MTCH2: variants seen among roughly 807,000 people sequenced by gnomAD.
MTCH2 encodes the protein mitochondrial carrier 2.
Under a neutral mutation model 50.6 loss-of-function variants are expected in MTCH2, and 25 were observed. That is an observed-to-expected ratio of 0.49 (90% CI 0.36 to 0.69). MTCH2 has a LOEUF of 0.69. Ranked by LOEUF, MTCH2 falls within the 30% of genes least tolerant of loss-of-function variation. The pLI, the probability that MTCH2 is intolerant of heterozygous loss-of-function variation, is 0.00. For synonymous variants in MTCH2, 106 were observed against 132.0 expected (o/e 0.80, Z 1.35); for missense variants, 273 against 384.4 (o/e 0.71, Z 2.42).
chr11:47,605,432 T>C, the MTCH2 span, among the ~76,000 whole-genome samples: 1 of 152,192 alleles, frequency 6.6e-6, no homozygotes, highest in African/African-American at 2.4e-5. Context: ...TTTTTTTTTT[T>C]TAATCTAAAT....
intron 1 of MTCH2, among the ~76,000 whole-genome samples, chr11:47,641,911 A>G (rs2097314527): frequency 6.6e-6 from 1 of 152,208 alleles, no homozygotes; most frequent in African/African-American, 2.4e-5. Context: ...AAAAGAAAAA[A>G]AAAAGGAATA....
intron 11 of MTCH2, among the ~76,000 whole-genome samples, chr11:47,625,088 AAAAAACAAAAAC>A (rs59265730): frequency 2.5e-4 from 37 of 150,612 alleles, no homozygotes; most frequent in Non-Finnish European, 4.3e-4. Flanking sequence ...ATTCTGTCTC[AAAAAACAAAAAC>A]AAAAACAAAA....
At chr11:47,633,526 A>ATATATATATATATATTTTT (rs1378774715) in intron 5 of MTCH2, among the ~76,000 whole-genome samples, 1 of 35,078 alleles carries the variant, frequency 2.9e-5, no homozygotes, top group Non-Finnish European at 5.9e-5. Flanking sequence ...ATATATATAT[A>ATATATATATATATATTTTT]TTTTTTTTTT....
In MTCH2 at chr11:47,639,040, C is replaced by G. The variant is rs1267910255; in HGVS notation, c.99G>C (p.Glu33Asp). ...TTCGTCCTATTGTTGGAGGAAGAGG[C>G]TCATATCCCACCTTTAAAAACAATG... ...YVKVLIQVGY[E>D]PLPPTIGRNI... Residue 33 changes from glutamate (E) to aspartate (D), a missense_variant, in exon 2 of 13, where the codon GAG becomes GAC. Physicochemically the swap from Glu to Asp is conservative, Grantham distance 45. Around this residue, in one of 2 missense-constraint regions of MTCH2, gnomAD observed 203 missense variants for 244.3 expected, o/e 0.83. Coordinates refer to ENST00000302503, the MANE Select transcript of MTCH2 (RefSeq NM_014342.4). The G allele has an allele frequency of 1.2e-6, 2 of 1,611,708 alleles. No homozygotes were observed. The highest frequency in any genetic ancestry group is 1.7e-6 in the Non-Finnish European group (2 of 1,178,506).
intron 7 of MTCH2, 101 bp from the exon 8 acceptor site, chr11:47,630,715 C>T (rs959881583): frequency 2.3e-5 from 24 of 1,063,672 alleles, no homozygotes; most frequent in South Asian, 2.2e-4. Context: ...AATCCACGAC[C>T]TCCTTCCCTC....
the MTCH2 span, among the ~76,000 whole-genome samples, chr11:47,606,264 G>C: frequency 6.6e-6 from 1 of 152,186 alleles, no homozygotes; most frequent in Admixed American, 6.6e-5. Flanking sequence ...CCTCGGGGGA[G>C]AAAGAGGAAA....
chr11:47,627,097 A>G lies in MTCH2; in HGVS notation c.664T>C (p.Ser222Pro). Residue 222 changes from serine to proline, a missense_variant, in exon 10 of 13, where the codon TCT becomes CCT. By Grantham distance (74) the Ser-to-Pro change is moderately conservative. This residue lies in a region of MTCH2 where 70 missense variants were observed against 140.1 expected (regional missense o/e 0.50). Transcript: ENST00000302503. ...VSTMNEMKSYSQAVTGFFASM... is the reference protein window; with the variant it reads ...VSTMNEMKSYPQAVTGFFASM... Reference sequence around the variant, plus strand: ...AAACTCACTCCTGTGACAGCTTGAGAATAACTCTTCATTTCATTCATGGTA... The same window carrying G: ...AAACTCACTCCTGTGACAGCTTGAGGATAACTCTTCATTTCATTCATGGTA... 1 of 1,601,426 alleles carries G rather than the reference A, an allele frequency of 6.2e-7. No homozygotes were observed. The highest frequency in any genetic ancestry group is 8.5e-7 in the Non-Finnish European group (1 of 1,171,868).
chr11:47,630,284 G>A (rs1447949315), intron 8 of MTCH2, among the ~76,000 whole-genome samples: 3 of 152,184 alleles, frequency 2.0e-5, no homozygotes, highest in African/African-American at 7.2e-5. Context: ...TGGGATTACA[G>A]GCGTGAGCCA....
At chr11:47,622,099 A>C (rs2097293846) in intron 12 of MTCH2, among the ~76,000 whole-genome samples, 1 of 152,048 alleles carries the variant, frequency 6.6e-6, no homozygotes, top group Non-Finnish European at 1.5e-5. Flanking sequence ...CCTAGGCTCA[A>C]GCAATTTGCC....
intron 11 of MTCH2, among the ~76,000 whole-genome samples, chr11:47,625,054 C>G (rs1241638954): frequency 6.6e-6 from 1 of 152,056 alleles, no homozygotes; most frequent in African/African-American, 2.4e-5. Flanking sequence ...CACCACTGCA[C>G]TCCAGCCTGG....
At chr11:47,606,286 G>GTAT in the MTCH2 span, among the ~76,000 whole-genome samples, 2 of 152,202 alleles carry the variant, frequency 1.3e-5, no homozygotes, top group African/African-American at 4.8e-5. Flanking sequence ...TCAGAGTTGA[G>GTAT]TATTCTGCTT....
chr11:47,631,007 C>G, intron 7 of MTCH2, 29 bp downstream of exon 7: 4 of 1,570,322 alleles, frequency 2.5e-6, no homozygotes, highest in Non-Finnish European at 3.5e-6. Context: ...AAAAGATCTC[C>G]TTGAGTATGT....
rs774058188 is a variant in MTCH2, at chr11:47,642,413, G to C, written c.53C>G (p.Ser18Cys). The change falls in exon 1 of 13, where the codon TCC becomes TGC. Residue 18 changes from serine to cysteine, a missense_variant. Physicochemically the swap from Ser to Cys is moderately radical, Grantham distance 112. Transcript: ENST00000302503. ...VLLGSGLTILSQPLMYVKVLI... is the reference protein window; with the variant it reads ...VLLGSGLTILCQPLMYVKVLI... Reference sequence around the variant, plus strand: ...CACTTTCACGTACATGAGCGGCTGGGACAGGATGGTGAGACCGGAGCCCAG... The same window carrying C: ...CACTTTCACGTACATGAGCGGCTGGCACAGGATGGTGAGACCGGAGCCCAG... The C allele has an allele frequency of 6.2e-7, 1 of 1,609,892 alleles. No individual in the cohort carries two copies. The highest frequency in any genetic ancestry group is 1.7e-5 in the Admixed American group (1 of 59,492).
intron 12 of MTCH2, 151 bp from the exon 13 acceptor site, chr11:47,619,070 A>C (rs2097290836): frequency 1.4e-6 from 1 of 693,426 alleles, no homozygotes; most frequent in African/African-American, 1.8e-5. Flanking sequence ...TATTCTCTGA[A>C]AGGCTGAGCT....
At chr11:47,640,372 C>T (rs2097312938) in intron 1 of MTCH2, among the ~76,000 whole-genome samples, 1 of 152,120 alleles carries the variant, frequency 6.6e-6, no homozygotes, top group South Asian at 2.1e-4. Flanking sequence ...CCTGTCTGAG[C>T]TCCCTGAAAG....
At chr11:47,631,115 C>T in intron 6 of MTCH2, 28 bp from the exon 7 acceptor site, 2 of 1,602,374 alleles carry the variant, frequency 1.2e-6, no homozygotes, top group East Asian at 4.5e-5. Flanking sequence ...AAGATGTTTA[C>T]AACTATGTTA....
intron 5 of MTCH2, among the ~76,000 whole-genome samples, chr11:47,633,920 G>GA (rs1369512680): frequency 3.3e-5 from 5 of 152,086 alleles, no homozygotes; most frequent in African/African-American, 1.2e-4. Context: ...GAAGACTTAA[G>GA]TAATAAGAGA....
At chr11:47,610,530 C>A in the MTCH2 span, among the ~76,000 whole-genome samples, 1 of 152,032 alleles carries the variant, frequency 6.6e-6, no homozygotes, top group Non-Finnish European at 1.5e-5. Flanking sequence ...CATGGCAAAA[C>A]CCCGTCTCTA....
intron 7 of MTCH2, 70 bp from the exon 8 acceptor site, chr11:47,630,684 T>G (rs1208755271): frequency 7.1e-7 from 1 of 1,413,422 alleles, no homozygotes; most frequent in Non-Finnish European, 1.0e-6. Flanking sequence ...ATAATTTCAA[T>G]TATCACATTG....
Sources: allele counts gnomAD v4.1 joint callset (sites outside exome capture counted in the v4.1 genomes callset), GRCh38; gene constraint gnomAD v4.1.1; regional missense constraint gnomAD v4.1.1; transcripts MANE v1.5; gene names NCBI Gene and HGNC (gene_info 2026-07-23, HGNC 2026-07-21).